The following RPS6KB2 variants were observed in gnomAD, a reference collection of about 807,000 sequenced individuals.
RPS6KB2 encodes the protein ribosomal protein S6 kinase beta-2.
In RPS6KB2, 51 loss-of-function variants were observed where a neutral mutation model predicts 58.2. That is an observed-to-expected ratio of 0.88 (90% confidence interval 0.70 to 1.11). RPS6KB2 has a LOEUF of 1.11. Among genes scored for constraint, RPS6KB2 ranks in the 50% least tolerant of loss-of-function variants. The probability of loss-of-function intolerance (pLI) is 0.00; values close to 1 mark genes in which losing one functional copy is unlikely to be tolerated. For missense variants in RPS6KB2, 671 were observed against 655.8 expected (o/e 1.02, Z -0.25); for synonymous variants, 293 against 258.6 (o/e 1.13, Z -1.28).
Position 67,434,282 on chromosome 11 carries a change from A to G in RPS6KB2, c.1047+7A>G. 6 of 1,613,118 alleles carry G rather than the reference A, an allele frequency of 3.7e-6. No homozygotes were observed. Among genetic ancestry groups the G allele is most frequent in the Non-Finnish European group, 5.1e-6 (6 of 1,179,858 alleles). On this transcript the variant is annotated splice_region_variant and intron_variant, in intron 12 of 14. Coordinates refer to ENST00000312629, the MANE Select transcript of RPS6KB2 (RefSeq NM_003952.3). ...CCCTTTCAGGCCCTGTCTGGTGAGC[A>G]GCAGGGCTGGTGGCCAGTGGCCGGT...
Position 67,435,372 on chromosome 11 carries a change from TC to T in RPS6KB2, c.*206del. On this transcript the variant is annotated 3_prime_UTR_variant, in exon 15 of 15. Coordinates refer to ENST00000312629, the MANE Select transcript of RPS6KB2 (RefSeq NM_003952.3). ...CCCGCCACGCCCCGCGCTCAACTGC[TC>T]CCGTGGAAGATTAAAGGGCTGAATC... 2 of 620,674 alleles carry T rather than the reference TC, an allele frequency of 3.2e-6. No homozygotes were observed. The highest frequency in any genetic ancestry group is 5.5e-6 in the Non-Finnish European group (2 of 360,942). The allele number at this position is 620,674 out of a possible 1,614,324, so 38.4% of individuals were successfully genotyped here.
At position 67,434,188 on chromosome 11, in the gene RPS6KB2, C is replaced by G. The variant is rs754738522; in HGVS notation, c.970-10C>G. On this transcript the variant is annotated splice_polypyrimidine_tract_variant and intron_variant, in intron 11 of 14. Transcript: ENST00000312629. ...GCTGTTAGTGGGTTTGGTGCATTCT[C>G]TACCTACAGAGACATCCCTTTTTCC... 1 of 1,614,060 alleles carries G rather than the reference C, an allele frequency of 6.2e-7. No homozygotes were observed. The highest frequency in any genetic ancestry group is 1.1e-5 in the South Asian group (1 of 91,090).
Position 67,428,494 on chromosome 11 carries a change from A to G in RPS6KB2, c.-52A>G. The stretch of plus-strand genomic sequence containing the variant: ...GATGATGTTTAGGTCCGGGACTGTC[A>G]GTCAGTGCGCGGCCAGGTACGGGCC... On this transcript the variant is annotated 5_prime_UTR_variant, in exon 1 of 15. Coordinates refer to ENST00000312629, the MANE Select transcript of RPS6KB2 (RefSeq NM_003952.3). 2.6e-6 allele frequency: 4 copies of G among 1,513,874 alleles called. No homozygotes were observed. The highest frequency in any genetic ancestry group is 3.6e-6 in the Non-Finnish European group (4 of 1,103,852). 93.8% of individuals were successfully genotyped at this position (1,513,874 alleles called of 1,614,324 possible).
In RPS6KB2 at chr11:67,432,328, G is replaced by C. The variant is rs1286964995; in HGVS notation, c.458-272G>C. 1.1e-5 allele frequency: 7 copies of C among 658,392 alleles called. No individual in the cohort carries two copies. In the East Asian group the frequency reaches 1.8e-4, roughly 17 times the overall value. 40.8% of individuals were successfully genotyped at this position (658,392 alleles called of 1,614,324 possible). On this transcript the variant is annotated intron_variant, in intron 5 of 14. Transcript: ENST00000312629. ...GGCCTGGGCCTGGCGTATTAGAGCC[G>C]TTGTGTACATGTCTGTCTCCCCAGT...
intron 5 of RPS6KB2, 132 bp downstream of exon 5, chr11:67,431,647 C>A: frequency 1.4e-6 from 1 of 727,988 alleles, no homozygotes; most frequent in Non-Finnish European, 2.3e-6. Context: ...CTCTGTCCTA[C>A]CCATCCATCC....
At position 67,431,553 on chromosome 11, in the gene RPS6KB2, CG is replaced by C. The variant is rs533944979; in HGVS notation, c.457+45del. On this transcript the variant is annotated intron_variant, in intron 5 of 14. Coordinates refer to ENST00000312629, the MANE Select transcript of RPS6KB2 (RefSeq NM_003952.3). ...GCCCAGGCAGGGGTGCTGGGGGTCG[CG>C]GGGGGGCAGCGAGCCAGCAAAGGAA... The C allele has an allele frequency of 1.1e-5, 17 of 1,561,360 alleles. No individual in the cohort carries two copies. The East Asian group carries it at 1.2e-4, about 11-fold the overall frequency.
At chr11:67,430,890 A>G (rs1863998729) in intron 4 of RPS6KB2, 1 of 152,970 alleles carries the variant, frequency 6.5e-6, no homozygotes, top group African/African-American at 2.4e-5. Context: ...AGGTTGAGAA[A>G]CCCTGTGTTA....
intron 1 of RPS6KB2, 143 bp downstream of exon 1, chr11:67,428,766 T>G: frequency 1.1e-6 from 1 of 931,478 alleles, no homozygotes; most frequent in South Asian, 1.5e-5. Flanking sequence ...CTCTATTAAG[T>G]TCTGATCCCA....
At position 67,435,113 on chromosome 11, in the gene RPS6KB2, C is replaced by T. The variant is rs767531294; in HGVS notation, c.1393C>T (p.Arg465Cys). The change falls in exon 15 of 15, where the codon CGT (arginine) becomes TGT (cysteine). Residue 465 changes from arginine to cysteine, a missense_variant. Physicochemically the swap from Arg to Cys is radical, Grantham distance 180. Transcript: ENST00000312629. ...CTCGACCACCGCCCCTCTCCCCATC[C>T]GTCCCCCCTCAGGGACCAAGAAGTC... ...PPSTTAPLPI[R>C]PPSGTKKSKR... 74 of 1,605,814 alleles carry T rather than the reference C, an allele frequency of 4.6e-5. No homozygotes were observed. The highest frequency in any genetic ancestry group is 2.0e-4 in the East Asian group (9 of 44,706).
intron 5 of RPS6KB2, chr11:67,432,007 C>A (rs1864038487): frequency 3.3e-6 from 1 of 304,572 alleles, no homozygotes; most frequent in East Asian, 8.9e-5. Flanking sequence ...GGTCATAGAG[C>A]CTGGGGCTGC....
At chr11:67,430,067 C>T (rs191793114) in intron 4 of RPS6KB2, 42 of 156,336 alleles carry the variant, frequency 2.7e-4, no homozygotes, top group Admixed American at 1.6e-3. Flanking sequence ...TGGCCTCCAA[C>T]GTGCTGGGAG....
intron 3 of RPS6KB2, 115 bp downstream of exon 3, chr11:67,429,355 C>T: frequency 6.7e-7 from 1 of 1,487,080 alleles, no homozygotes; most frequent in Middle Eastern, 2.4e-4. Context: ...GATTCAGAGC[C>T]AGAAACATAA....
In RPS6KB2 at chr11:67,434,056, A is replaced by G; in HGVS notation, c.968A>G (p.Gln323Arg). ...GGCCCAGGGGATGCTGCTGATGTGC[A>G]GGTGGGTTTGGGACCACCACCAGGG... is the stretch of plus-strand genomic sequence containing the variant. ...GGGPGDAADV[Q>R]RHPFFRHMNW... The change falls in exon 11 of 15, where the codon CAG (glutamine) becomes CGG (arginine). Residue 323 changes from glutamine (Q) to arginine (R), a missense_variant and splice_region_variant. Physicochemically the swap from Gln to Arg is conservative, Grantham distance 43 (BLOSUM62 1). Transcript: ENST00000312629. 1 of 1,614,086 alleles carries G rather than the reference A, an allele frequency of 6.2e-7. No homozygotes were observed. The highest frequency in any genetic ancestry group is 8.5e-7 in the Non-Finnish European group (1 of 1,179,978).
intron 1 of RPS6KB2, 49 bp from the exon 2 acceptor site, chr11:67,428,933 G>A: frequency 6.2e-7 from 1 of 1,611,346 alleles, no homozygotes; most frequent in Non-Finnish European, 8.5e-7. Context: ...ACGGGAGCGG[G>A]GAGGTATCCT....
rs997002708 is a variant in RPS6KB2, at chr11:67,434,306, G to T, written c.1047+31G>T. Reference sequence around the variant, plus strand: ...CAGCAGGGCTGGTGGCCAGTGGCCGGTGGCGGGTGGCAAGTGGAGAACCTG... The same window carrying T: ...CAGCAGGGCTGGTGGCCAGTGGCCGTTGGCGGGTGGCAAGTGGAGAACCTG... On this transcript the variant is annotated intron_variant, in intron 12 of 14. Transcript: ENST00000312629. 5.6e-6 allele frequency: 9 copies of T among 1,611,756 alleles called. No individual in the cohort carries two copies. The African/African-American group carries it at 8.0e-5, about 14-fold the overall frequency.
rs1160033493 is a variant in RPS6KB2, at chr11:67,433,204, G to A, written c.786G>A (p.Met262Ile). 1 of 1,606,538 alleles carries A rather than the reference G, an allele frequency of 6.2e-7. No homozygotes were observed. Reference protein sequence around the residue: ...WWSLGALMYDMLTGSPPFTAE... With the variant: ...WWSLGALMYDILTGSPPFTAE... ...GCCTGGGGGCCCTGATGTACGACATGCTCACTGGATCGGCAAGTCCAGCCC... is the reference window on the plus strand; with the variant it reads ...GCCTGGGGGCCCTGATGTACGACATACTCACTGGATCGGCAAGTCCAGCCC... Residue 262 changes from methionine (M) to isoleucine (I), a missense_variant, in exon 9 of 15, where the codon ATG becomes ATA. By Grantham distance (10) the Met-to-Ile change is conservative. Coordinates refer to ENST00000312629, the MANE Select transcript of RPS6KB2 (RefSeq NM_003952.3).
At chr11:67,431,850 G>C (rs1864032986) in intron 5 of RPS6KB2, 1 of 304,798 alleles carries the variant, frequency 3.3e-6, no homozygotes, top group East Asian at 8.3e-5. Flanking sequence ...ATCCTGTCAG[G>C]TCCCCAGCCC....
chr11:67,429,400 G>A, intron 3 of RPS6KB2, 127 bp from the exon 4 acceptor site: 1 of 1,371,278 alleles, frequency 7.3e-7, no homozygotes, highest in Non-Finnish European at 1.0e-6. Flanking sequence ...AATCGGACTT[G>A]AAATCTTCAC....
chr11:67,430,021 GTCTCTAACTCC>G (rs1471677507), intron 4 of RPS6KB2: 1 of 165,904 alleles, frequency 6.0e-6, no homozygotes, highest in Non-Finnish European at 1.3e-5. Flanking sequence ...CGCCTGGCTG[GTCTCTAACTCC>G]TAATCTCAGG....
Sources: allele counts gnomAD v4.1 joint callset, GRCh38; gene constraint gnomAD v4.1.1; transcripts MANE v1.5; gene names NCBI Gene and HGNC (gene_info 2026-07-23, HGNC 2026-07-21).